The following ROBO1 variants were observed in gnomAD, a reference collection of about 807,000 sequenced individuals.
ROBO1 encodes roundabout guidance receptor 1, also known as roundabout homolog 1.
In ROBO1, 149 loss-of-function variants were observed where a neutral mutation model predicts 195.9. The observed-to-expected ratio is 0.76, with a 90% CI of 0.67 to 0.87. The LOEUF (loss-of-function observed/expected upper bound fraction) is 0.87, where lower values mean the gene tolerates loss of function less well. ROBO1 is among the 40% of genes least tolerant of loss of function. The pLI is 0.00. For missense variants in ROBO1, 1,933 were observed against 2,068.3 expected (o/e 0.93, Z 1.27); for synonymous variants, 816 against 733.2 (o/e 1.11, Z -1.82).
chr3:79,575,502 T>C (rs1017414405), intron 2 of ROBO1, among the ~76,000 whole-genome samples: 19 of 120,234 alleles, frequency 1.6e-4, no homozygotes, highest in Admixed American at 6.2e-4. Flanking sequence ...TATATAAATA[T>C]ATATAACAAA....
chr3:79,756,167 C>T (rs549880315), intron 1 of ROBO1, among the ~76,000 whole-genome samples: 3 of 152,162 alleles, frequency 2.0e-5, no homozygotes, highest in African/African-American at 2.4e-5. Flanking sequence ...TATTGCCTTC[C>T]TCCTAATATT....
intron 2 of ROBO1, among the ~76,000 whole-genome samples, chr3:79,589,060 A>C (rs976825861): frequency 6.6e-6 from 1 of 151,676 alleles, no homozygotes; most frequent in African/African-American, 2.4e-5. Context: ...AAAACATGGT[A>C]TGTTATTCTT....
intron 2 of ROBO1, among the ~76,000 whole-genome samples, chr3:79,545,837 A>T (rs899757436): frequency 6.6e-6 from 1 of 152,184 alleles, no homozygotes; most frequent in Non-Finnish European, 1.5e-5. Flanking sequence ...TAATGTTTGC[A>T]TGGGTGGCCC....
intron 1 of ROBO1, among the ~76,000 whole-genome samples, chr3:79,758,514 TA>T (rs1350133231): frequency 4.6e-5 from 7 of 152,190 alleles, no homozygotes; most frequent in Admixed American, 4.6e-4. Context: ...GTAATACAGG[TA>T]AGTGCTCAGT....
intron 4 of ROBO1, among the ~76,000 whole-genome samples, chr3:78,892,404 T>G (rs910644172): frequency 6.6e-6 from 1 of 152,170 alleles, no homozygotes; most frequent in African/African-American, 2.4e-5. Flanking sequence ...AAGAAATACC[T>G]GGTGTGAAAA....
intron 2 of ROBO1, among the ~76,000 whole-genome samples, chr3:79,445,314 A>G (rs560856490): frequency 1.3e-5 from 2 of 152,078 alleles, no homozygotes; most frequent in Admixed American, 1.3e-4. Context: ...CAGACTGAAC[A>G]TTTAAAGTTT....
intron 2 of ROBO1, among the ~76,000 whole-genome samples, chr3:79,330,292 T>TATATATAA (rs1553721130): frequency 6.8e-6 from 1 of 146,596 alleles, no homozygotes; most frequent in African/African-American, 2.5e-5. Context: ...TATATATATA[T>TATATATAA]AAAGAATTTA....
At chr3:78,620,031 A>G (rs1704362654) in intron 26 of ROBO1, among the ~76,000 whole-genome samples, 1 of 151,884 alleles carries the variant, frequency 6.6e-6, no homozygotes, top group East Asian at 1.9e-4. Context: ...AAAAAAAAAA[A>G]AAATTAATTA....
intron 1 of ROBO1, among the ~76,000 whole-genome samples, chr3:79,639,911 G>A (rs905570429): frequency 2.5e-4 from 38 of 152,062 alleles, no homozygotes; most frequent in Non-Finnish European, 4.1e-4. Context: ...TCAGTGATTC[G>A]ATTCTTTGAT....
intron 2 of ROBO1, among the ~76,000 whole-genome samples, chr3:79,366,526 T>A (rs1000535509): frequency 3.3e-5 from 5 of 152,150 alleles, no homozygotes; most frequent in Non-Finnish European, 4.4e-5. Flanking sequence ...GTCCCTTATC[T>A]TAGTGCTCTC....
intron 2 of ROBO1, among the ~76,000 whole-genome samples, chr3:79,338,391 A>T (rs1415018292): frequency 6.6e-6 from 1 of 152,192 alleles, no homozygotes. Flanking sequence ...TTGCCCACTG[A>T]ATGTTACTTT....
At chr3:78,652,217 T>C (rs1296369350) in intron 18 of ROBO1, among the ~76,000 whole-genome samples, 1 of 152,182 alleles carries the variant, frequency 6.6e-6, no homozygotes, top group Non-Finnish European at 1.5e-5. Flanking sequence ...GTTTGCAGGT[T>C]ACTTCTTAGA....
At chr3:78,725,418 T>A (rs1302306589) in intron 5 of ROBO1, among the ~76,000 whole-genome samples, 1 of 152,218 alleles carries the variant, frequency 6.6e-6, no homozygotes, top group Non-Finnish European at 1.5e-5. Context: ...AAATTCTTGA[T>A]GTGTTTAATA....
chr3:79,711,707 A>T (rs1702282227), intron 1 of ROBO1, among the ~76,000 whole-genome samples: 1 of 152,144 alleles, frequency 6.6e-6, no homozygotes, highest in Admixed American at 6.6e-5. Flanking sequence ...TTTGCTTTAT[A>T]GTGCTTCAGA....
At chr3:78,686,737 T>C (rs893310085) in intron 9 of ROBO1, among the ~76,000 whole-genome samples, 15 of 152,160 alleles carry the variant, frequency 9.9e-5, no homozygotes, top group African/African-American at 3.4e-4. Context: ...GGATACCATT[T>C]TGGCACCACA....
chr3:79,153,465 G>C (rs1248540840), intron 2 of ROBO1, among the ~76,000 whole-genome samples: 1 of 151,548 alleles, frequency 6.6e-6, no homozygotes, highest in Non-Finnish European at 1.5e-5. Flanking sequence ...ACATACCTAA[G>C]GATCCACAGA....
intron 10 of ROBO1, among the ~76,000 whole-genome samples, chr3:78,678,824 A>G (rs1708604728): frequency 6.6e-6 from 1 of 152,194 alleles, no homozygotes; most frequent in Admixed American, 6.5e-5. Context: ...AACTCATTTT[A>G]TGAGGCCAGC....
At chr3:78,815,102 T>A (rs1272668954) in intron 4 of ROBO1, among the ~76,000 whole-genome samples, 1 of 152,100 alleles carries the variant, frequency 6.6e-6, no homozygotes, top group Non-Finnish European at 1.5e-5. Context: ...TTTGCCCTTA[T>A]CTCTTTCCTC....
intron 3 of ROBO1, among the ~76,000 whole-genome samples, chr3:79,076,255 T>TATATAAACTATATATATAAATATATAA (rs2079171576): frequency 6.8e-6 from 1 of 147,574 alleles, no homozygotes; most frequent in Non-Finnish European, 1.5e-5. Flanking sequence ...AGTATATATA[T>TATATAAACTATATATATAAATATATAA]ATATAAACTA....
Sources: allele counts gnomAD v4.1 joint callset (sites outside exome capture counted in the v4.1 genomes callset), GRCh38; gene constraint gnomAD v4.1.1; transcripts MANE v1.5; gene names NCBI Gene and HGNC (gene_info 2026-07-23, HGNC 2026-07-21).